Variants in ASCC1 observed in about 807,000 individuals in gnomAD.
ASCC1 encodes the protein activating signal cointegrator 1 complex subunit 1.
Under a neutral mutation model 46.6 loss-of-function variants are expected in ASCC1, and 35 were observed. The observed-to-expected ratio is 0.75, with a 90% CI of 0.57 to 0.99. The LOEUF (loss-of-function observed/expected upper bound fraction) is 0.99. Among genes scored for constraint, ASCC1 ranks in the 50% least tolerant of loss-of-function variants. The probability of loss-of-function intolerance (pLI) is 0.00; values close to 1 mark genes in which losing one functional copy is unlikely to be tolerated. For synonymous variants in ASCC1, 143 were observed against 146.6 expected (o/e 0.98, Z 0.18); for missense variants, 376 against 428.7 (o/e 0.88, Z 1.09).
intron 9 of ASCC1, among the ~76,000 whole-genome samples, chr10:72,102,171 G>C (rs964456277): frequency 1.3e-5 from 2 of 152,148 alleles, no homozygotes; most frequent in East Asian, 1.9e-4. Flanking sequence ...AAACGCCTTG[G>C]TGACTTTCTA....
chr10:72,136,022 G>A (rs573601519), intron 7 of ASCC1, among the ~76,000 whole-genome samples: 3 of 152,036 alleles, frequency 2.0e-5, no homozygotes, highest in Admixed American at 6.6e-5. Flanking sequence ...TGTTGTTGTT[G>A]TTGTTTTTCT....
intron 5 of ASCC1, among the ~76,000 whole-genome samples, chr10:72,182,815 G>GAA (rs764472124): frequency 7.8e-4 from 99 of 126,774 alleles, no homozygotes; most frequent in African/African-American, 1.6e-3. Flanking sequence ...GTCTCTAAAA[G>GAA]AAAAAAAAAA....
chr10:72,173,345 C>T (rs1270690809), intron 5 of ASCC1, among the ~76,000 whole-genome samples: 4 of 151,986 alleles, frequency 2.6e-5, no homozygotes, highest in African/African-American at 7.3e-5. Flanking sequence ...CTTTGCTTTC[C>T]CTGCCTTACC....
chr10:72,115,732 C>T (rs1843426118), intron 9 of ASCC1, among the ~76,000 whole-genome samples: 1 of 152,128 alleles, frequency 6.6e-6, no homozygotes, highest in Non-Finnish European at 1.5e-5. Flanking sequence ...GTAGAGGTGG[C>T]AGACAGGTTG....
At chr10:72,162,855 A>G (rs1436782859) in intron 5 of ASCC1, among the ~76,000 whole-genome samples, 1 of 151,748 alleles carries the variant, frequency 6.6e-6, no homozygotes, top group Non-Finnish European at 1.5e-5. Flanking sequence ...ACACAGGAGA[A>G]TCGCTTAAAC....
chr10:72,143,224 C>A (rs1015401446), intron 7 of ASCC1, among the ~76,000 whole-genome samples: 2 of 149,802 alleles, frequency 1.3e-5, no homozygotes, highest in African/African-American at 4.9e-5. Flanking sequence ...CATAGTTATT[C>A]CTAATTTCCT....
At chr10:72,120,455 A>G (rs1402213873) in intron 9 of ASCC1, among the ~76,000 whole-genome samples, 1 of 152,008 alleles carries the variant, frequency 6.6e-6, no homozygotes. Flanking sequence ...AGGTGCACAC[A>G]ATGCAAATAC....
At chr10:72,147,284 C>T (rs1254588620) in intron 7 of ASCC1, among the ~76,000 whole-genome samples, 4 of 151,924 alleles carry the variant, frequency 2.6e-5, no homozygotes, top group South Asian at 2.1e-4. Context: ...GATGGAGTTT[C>T]GTTCTGTTAC....
At chr10:72,198,720 G>GC in intron 4 of ASCC1, 4 of 455,644 alleles carry the variant, frequency 8.8e-6, no homozygotes, top group Non-Finnish European at 1.8e-5. Context: ...TCACACGAAT[G>GC]CAACTGCAGA....
At chr10:72,146,963 A>T (rs1847706944) in intron 7 of ASCC1, among the ~76,000 whole-genome samples, 1 of 151,902 alleles carries the variant, frequency 6.6e-6, no homozygotes, top group South Asian at 2.1e-4. Flanking sequence ...CCTTAAAAAC[A>T]GGGCCATGTG....
chr10:72,180,462 C>A (rs1668285120), intron 5 of ASCC1, among the ~76,000 whole-genome samples: 1 of 151,874 alleles, frequency 6.6e-6, no homozygotes, highest in Non-Finnish European at 1.5e-5. Flanking sequence ...CTTGTCTCTA[C>A]TAAAAATACA....
chr10:72,151,123 G>C (rs918413011), intron 7 of ASCC1, among the ~76,000 whole-genome samples: 10 of 152,166 alleles, frequency 6.6e-5, no homozygotes, highest in African/African-American at 2.4e-4. Flanking sequence ...TATAAATCAT[G>C]CTACTATAAA....
Position 72,128,096 on chromosome 10 carries a change from G to A in ASCC1, c.943C>T (p.Arg315Ter), listed in dbSNP as rs1389098934. The A allele has an allele frequency of 6.2e-7, 1 of 1,613,450 alleles. No homozygotes were observed. The highest frequency in any genetic ancestry group is 8.5e-7 in the Non-Finnish European group (1 of 1,179,542). The part of the protein sequence containing the change: ...IFKERESFDG[R>*]NILKLFENFY... ...TTCATACTGACCTTTAAAATATTTC[G>A]GCCATCAAATGATTCTCTTTCCTTG... The change falls in exon 9 of 10, where the codon CGA (arginine) becomes TGA (stop). Residue 315 changes from arginine (R) to a stop codon, truncating the protein, a stop_gained. Coordinates refer to ENST00000672957, the MANE Select transcript of ASCC1 (RefSeq NM_001198800.3). LOFTEE classifies it high-confidence loss of function.
intron 9 of ASCC1, among the ~76,000 whole-genome samples, chr10:72,099,017 T>C (rs1302526402): frequency 6.6e-6 from 1 of 152,182 alleles, no homozygotes; most frequent in Non-Finnish European, 1.5e-5. Flanking sequence ...GCCTTCTAGG[T>C]ACAGAAAAGC....
chr10:72,128,410 A>G (rs1845149365), intron 8 of ASCC1, among the ~76,000 whole-genome samples: 1 of 152,220 alleles, frequency 6.6e-6, no homozygotes, highest in African/African-American at 2.4e-5. Context: ...CCAGGCACTC[A>G]CTATATATTC....
At chr10:72,173,020 A>T (rs1452442951) in intron 5 of ASCC1, among the ~76,000 whole-genome samples, 1 of 138,958 alleles carries the variant, frequency 7.2e-6, no homozygotes, top group Admixed American at 7.7e-5. Flanking sequence ...ATTTTTTTAT[A>T]TATAAAATAT....
chr10:72,103,875 C>T (rs983284030), intron 9 of ASCC1, among the ~76,000 whole-genome samples: 3 of 152,158 alleles, frequency 2.0e-5, no homozygotes, highest in Non-Finnish European at 4.4e-5. Context: ...GTCAAACTTA[C>T]TTATAAAAAT....
rs144711393 is a variant in ASCC1 at position 72,109,802 on chromosome 10, G to C, written c.958-12352C>G. On this transcript the variant is annotated intron_variant, in intron 9 of 9. Transcript: ENST00000672957. ...GAAAAATAGTAAGAAAATAATATGAGTAGGGGTAGGAGGTAGAGGAGAAAA... is the reference window on the plus strand; with the variant it reads ...GAAAAATAGTAAGAAAATAATATGACTAGGGGTAGGAGGTAGAGGAGAAAA... Among the ~76,000 whole-genome samples, 671 of 152,284 alleles carry C rather than the reference G, an allele frequency of 4.4e-3. 5 individuals are homozygous for C. Among genetic ancestry groups the C allele is most frequent in the African/African-American group, 0.015 (624 of 41,538 alleles).
intron 5 of ASCC1, among the ~76,000 whole-genome samples, chr10:72,181,342 T>A (rs1041562617): frequency 6.6e-6 from 1 of 152,152 alleles, no homozygotes; most frequent in Admixed American, 6.5e-5. Context: ...GAGATGGGAC[T>A]GAAGAGGCTG....
Sources: gnomAD v4.1 joint callset for allele counts (sites outside exome capture counted in the v4.1 genomes callset) on GRCh38, gnomAD v4.1.1 for gene constraint, MANE v1.5 for transcripts, NCBI Gene and HGNC (gene_info 2026-07-23, HGNC 2026-07-21) for gene names.